Variants in AEN observed in about 807,000 individuals in gnomAD.
The protein encoded by AEN is apoptosis-enhancing nuclease.
In AEN, 21 loss-of-function variants were observed where a neutral mutation model predicts 17.7. The ratio of observed to expected loss-of-function variants is 1.19; its 90% confidence interval spans 0.84 to 1.71. The LOEUF is 1.71. AEN is among the 40% of genes most tolerant of loss of function. The pLI is 0.00. For synonymous variants in AEN, 190 were observed against 173.0 expected, an observed-to-expected ratio of 1.10 and a Z score of -0.77; for missense variants, 462 against 435.9, an observed-to-expected ratio of 1.06 and a Z score of -0.53.
At position 88,626,761 on chromosome 15, in the gene AEN, G is replaced by C. The variant is rs749556163; in HGVS notation, c.540+12G>C. On this transcript the variant is annotated intron_variant, in intron 2 of 3. Coordinates refer to ENST00000332810, the MANE Select transcript of AEN (RefSeq NM_022767.4). ...TGGCCCAGAAAGAGGTAAGGGCAGG[G>C]ATGGGGACTTGTTTGGGAGGTGTGG... is the stretch of plus-strand genomic sequence containing the variant. The C allele has an allele frequency of 1.2e-6, 2 of 1,600,022 alleles. No individual in the cohort carries two copies. The highest frequency in any genetic ancestry group is 1.7e-6 in the Non-Finnish European group (2 of 1,176,832).
chr15:88,630,319 G>A lies in AEN; in HGVS notation c.*25G>A. On this transcript the variant is annotated 3_prime_UTR_variant, in exon 4 of 4. Transcript: ENST00000332810. This position sits in a 1 kb window ranked among gnomAD's most constrained non-coding sequence, Gnocchi z 5.1. The stretch of plus-strand genomic sequence containing the variant: ...AGAAGGGGGCGGGGCTCCCTGGCTG[G>A]GCTTCCGGTGTGGCCGGTAGGAAGT... 6.4e-7 allele frequency: 1 copy of A among 1,553,490 alleles called. No individual in the cohort carries two copies. Among genetic ancestry groups the A allele is most frequent in the Non-Finnish European group, 8.7e-7 (1 of 1,147,476 alleles).
upstream of AEN, among the ~76,000 whole-genome samples, chr15:88,617,201 C>T (rs1300445992): frequency 6.6e-6 from 1 of 152,008 alleles, no homozygotes; most frequent in Non-Finnish European, 1.5e-5. Context: ...AGTGATCCTC[C>T]CACCTCAGCC....
At chr15:88,610,573 G>A in the AEN span, among the ~76,000 whole-genome samples, 1 of 152,004 alleles carries the variant, frequency 6.6e-6, no homozygotes, top group Non-Finnish European at 1.5e-5. Context: ...AGCTGGAAGG[G>A]GCTGGGACTC....
upstream of AEN, among the ~76,000 whole-genome samples, chr15:88,618,951 C>T (rs750930670): frequency 2.6e-4 from 40 of 152,120 alleles, no homozygotes; most frequent in Non-Finnish European, 5.7e-4. Context: ...GGACTGTAGG[C>T]ACACACCTCC....
Position 88,630,084 on chromosome 15 carries a change from A to C in AEN, c.768A>C (p.Val256=). Residue 256 remains valine (V), a synonymous_variant, in exon 4 of 4, where the codon GTA becomes GTC. Coordinates refer to ENST00000332810, the MANE Select transcript of AEN (RefSeq NM_022767.4). The surrounding 1 kb of genome is among the most constrained non-coding windows in gnomAD (Gnocchi z 5.1). ...IQVGQHGHSS[V]EDATTAMELY... ...TGGGCCAGCACGGGCACTCATCAGT[A>C]GAAGATGCCACGACAGCCATGGAGC... 1 of 1,614,066 alleles carries C rather than the reference A, an allele frequency of 6.2e-7. No homozygotes were observed. Among genetic ancestry groups the C allele is most frequent in the Non-Finnish European group, 8.5e-7 (1 of 1,180,014 alleles).
chr15:88,618,166 C>A (rs1259668983), upstream of AEN, among the ~76,000 whole-genome samples: 1 of 152,166 alleles, frequency 6.6e-6, no homozygotes, highest in African/African-American at 2.4e-5. Context: ...CTCACCCCAC[C>A]CCAAAATCAT....
chr15:88,608,707 T>C, the AEN span, among the ~76,000 whole-genome samples: 2 of 152,242 alleles, frequency 1.3e-5, no homozygotes, highest in East Asian at 3.8e-4. Flanking sequence ...TGTCTGTTTT[T>C]CCACTTTCAT....
At chr15:88,620,455 G>A (rs908686554), upstream of AEN, among the ~76,000 whole-genome samples, 6 of 151,860 alleles carry the variant, frequency 4.0e-5, no homozygotes, top group Middle Eastern at 3.4e-3. Flanking sequence ...TTGGTGCCCA[G>A]GCTGGATGGA....
chr15:88,620,148 C>A (rs1273840224), upstream of AEN, among the ~76,000 whole-genome samples: 1 of 152,114 alleles, frequency 6.6e-6, no homozygotes, highest in South Asian at 2.1e-4. Flanking sequence ...TTTCTCATCA[C>A]AGGTACGTTT....
intron 2 of AEN, 147 bp downstream of exon 2, chr15:88,626,896 G>C: frequency 1.2e-6 from 1 of 847,204 alleles, no homozygotes; most frequent in Non-Finnish European, 1.8e-6. Flanking sequence ...CTTCTCCATA[G>C]AACAGGGGAA....
At position 88,626,398 on chromosome 15, in the gene AEN, A is replaced by G; in HGVS notation, c.189A>G (p.Pro63=). Residue 63 remains proline (P), a synonymous_variant, in exon 2 of 4, where the codon CCA becomes CCG. Transcript: ENST00000332810. The stretch of plus-strand genomic sequence containing the variant: ...TGCCTCCAGAACCAGGGTCCTCCCC[A>G]CTGCCCACCCCTTTCGGGGCAGCGA... The part of the protein sequence containing the change: ...LSMPPEPGSS[P]LPTPFGAATA... The G allele has an allele frequency of 5.0e-6, 8 of 1,612,728 alleles. No homozygotes were observed. The highest frequency in any genetic ancestry group is 5.9e-6 in the Non-Finnish European group (7 of 1,179,502).
At chr15:88,627,166 C>A (rs1403578600) in intron 2 of AEN, 2 of 186,400 alleles carry the variant, frequency 1.1e-5, no homozygotes, top group Non-Finnish European at 2.3e-5. Context: ...TGGGACCACA[C>A]TGATGCACCA....
Position 88,626,766 on chromosome 15 carries a change from G to T in AEN, c.540+17G>T. The T allele has an allele frequency of 6.3e-7, 1 of 1,595,064 alleles. No individual in the cohort carries two copies. Among genetic ancestry groups the T allele is most frequent in the Non-Finnish European group, 8.5e-7 (1 of 1,174,554 alleles). On this transcript the variant is annotated intron_variant, in intron 2 of 3. Coordinates refer to ENST00000332810, the MANE Select transcript of AEN (RefSeq NM_022767.4). ...CAGAAAGAGGTAAGGGCAGGGATGGGGACTTGTTTGGGAGGTGTGGTGGGC... is the reference window on the plus strand; with the variant it reads ...CAGAAAGAGGTAAGGGCAGGGATGGTGACTTGTTTGGGAGGTGTGGTGGGC...
the AEN span, among the ~76,000 whole-genome samples, chr15:88,614,252 T>A: frequency 6.6e-6 from 1 of 152,064 alleles, no homozygotes; most frequent in African/African-American, 2.4e-5. Flanking sequence ...CAGTCTAGAG[T>A]GCAGTGGTGT....
Position 88,630,125 on chromosome 15 carries a change from A to T in AEN, c.809A>T (p.Glu270Val). ...GCCATGGAGCTCTACCGGCTGGTGG[A>T]GGTGCAGTGGGAACAGCAGGAGGCC... ...TTAMELYRLV[E>V]VQWEQQEARS... The change falls in exon 4 of 4, where the codon GAG (glutamate) becomes GTG (valine). Residue 270 changes from glutamate (E) to valine (V), a missense_variant. Transcript: ENST00000332810. This position sits in a 1 kb window ranked among gnomAD's most constrained non-coding sequence, Gnocchi z 5.1. 6.2e-7 allele frequency: 1 copy of T among 1,613,486 alleles called. No homozygotes were observed. The highest frequency in any genetic ancestry group is 8.5e-7 in the Non-Finnish European group (1 of 1,179,994).
chr15:88,610,307 AT>A, the AEN span, among the ~76,000 whole-genome samples: 912 of 136,126 alleles, frequency 6.7e-3, 5 homozygotes, highest in African/African-American at 0.015. Context: ...GCACGGGGCT[AT>A]TTTTTTTTTT....
the AEN span, chr15:88,608,006 A>G: frequency 2.2e-6 from 1 of 449,230 alleles, no homozygotes; most frequent in Non-Finnish European, 4.7e-6. Flanking sequence ...GTAATGTCCC[A>G]TAGCAACAGT....
chr15:88,628,270 A>G (rs2057880451), intron 2 of AEN: 1 of 152,284 alleles, frequency 6.6e-6, no homozygotes, highest in African/African-American at 2.4e-5. Flanking sequence ...TGTCCCTACT[A>G]TAAAGTCTCA....
In AEN at chr15:88,631,687, T is replaced by G. The variant is rs913819790; in HGVS notation, c.*1393T>G. On this transcript the variant is annotated 3_prime_UTR_variant, in exon 4 of 4. Transcript: ENST00000332810. ...TTTTTTTTAAGCCCATTGTTTATTC[T>G]TTGAGAATTTGTTGTAACTTCTTCA... 1.3e-5 allele frequency: 2 copies of G among 152,930 alleles called. No homozygotes were observed. Among genetic ancestry groups the G allele is most frequent in the African/African-American group, 2.4e-5 (1 of 41,442 alleles). The allele number at this position is 152,930 out of a possible 1,614,324, so 9.5% of individuals were successfully genotyped here. A position where few individuals can be genotyped will look rare whatever the true frequency, so the allele number is the denominator to read the frequency against.
Sources: gnomAD v4.1 joint callset for allele counts (sites outside exome capture counted in the v4.1 genomes callset) on GRCh38, gnomAD v4.1.1 for gene constraint, Gnocchi (gnomAD v3.1) non-coding constraint, MANE v1.5 for transcripts, NCBI Gene and HGNC (gene_info 2026-07-23, HGNC 2026-07-21) for gene names.